The following MMP16 variants were observed in gnomAD, a reference collection of about 807,000 sequenced individuals.
MMP16 encodes matrix metallopeptidase 16, also known as matrix metalloproteinase-16.
In MMP16, 12 loss-of-function variants were observed where a neutral mutation model predicts 67.8. The ratio of observed to expected loss-of-function variants is 0.18; its 90% CI spans 0.11 to 0.29. The LOEUF (loss-of-function observed/expected upper bound fraction) is 0.29, where lower values mean the gene tolerates loss of function less well. MMP16 is among the 10% of genes least tolerant of loss of function. MMP16 has a pLI of 1.00. For missense variants in MMP16, 475 were observed against 765.7 expected, an observed-to-expected ratio of 0.62 and a Z score of 4.48; for synonymous variants, 249 against 255.9, an observed-to-expected ratio of 0.97 and a Z score of 0.26.
chr8:88,106,051 G>GTATATATATATATATATATA (rs34758855), intron 6 of MMP16, among the ~76,000 whole-genome samples: 2 of 145,412 alleles, frequency 1.4e-5, no homozygotes, highest in African/African-American at 5.0e-5. Context: ...TACACGTTAT[G>GTATATATATATATATATATA]TATATATATA....
intron 1 of MMP16, among the ~76,000 whole-genome samples, chr8:88,262,606 C>T (rs1286607520): frequency 6.6e-6 from 1 of 152,108 alleles, no homozygotes; most frequent in Non-Finnish European, 1.5e-5. Context: ...TTGGCTGTCT[C>T]TTTTCTAGAT....
At chr8:88,286,578 CA>C (rs1195250703) in intron 1 of MMP16, among the ~76,000 whole-genome samples, 1 of 97,758 alleles carries the variant, frequency 1.0e-5, no homozygotes, top group East Asian at 5.6e-4. Context: ...ACCTGGAACT[CA>C]ATTTTTTTTT....
chr8:88,287,000 C>T (rs1419012354), intron 1 of MMP16, among the ~76,000 whole-genome samples: 1 of 152,196 alleles, frequency 6.6e-6, no homozygotes, highest in Admixed American at 6.5e-5. Context: ...TAGCCATCTA[C>T]ATCTGGTTTA....
At chr8:88,248,004 G>C (rs1810146901) in intron 1 of MMP16, among the ~76,000 whole-genome samples, 1 of 152,004 alleles carries the variant, frequency 6.6e-6, no homozygotes, top group Non-Finnish European at 1.5e-5. Flanking sequence ...GGGCACCAAG[G>C]TGTGGATATT....
chr8:88,175,827 T>C (rs927423589), intron 3 of MMP16, among the ~76,000 whole-genome samples: 1 of 152,154 alleles, frequency 6.6e-6, no homozygotes, highest in Non-Finnish European at 1.5e-5. Context: ...TGTGCTGTTC[T>C]TGTGATAGTG....
At chr8:88,078,936 C>T (rs571460270) in intron 6 of MMP16, among the ~76,000 whole-genome samples, 5 of 152,250 alleles carry the variant, frequency 3.3e-5, no homozygotes, top group Admixed American at 2.6e-4. Flanking sequence ...CTCTTTATTT[C>T]TCACCATCAC....
At chr8:88,287,956 A>C (rs1810860060) in intron 1 of MMP16, among the ~76,000 whole-genome samples, 1 of 152,230 alleles carries the variant, frequency 6.6e-6, no homozygotes, top group African/African-American at 2.4e-5. Context: ...GGTCAGTCAA[A>C]CTTCAGAGTC....
intron 1 of MMP16, among the ~76,000 whole-genome samples, chr8:88,236,601 A>C (rs533110730): frequency 1.3e-5 from 2 of 152,094 alleles, no homozygotes; most frequent in Admixed American, 1.3e-4. Flanking sequence ...ACAAAAAATT[A>C]GTGGGGTGTG....
In MMP16 at chr8:88,201,455, A is replaced by T. The variant is rs182629019; in HGVS notation, c.133-4149T>A. ...AGTACAGTACTCATATGAATAGAAA[A>T]GTGCAAAGGTGATAAATTTATTTTA... On this transcript the variant is annotated intron_variant, in intron 1 of 9. Coordinates refer to ENST00000286614, the MANE Select transcript of MMP16 (RefSeq NM_005941.5). Among the ~76,000 whole-genome samples the T allele has an allele frequency of 1.2e-3, 179 of 152,208 alleles. 1 individual carries two copies. Among genetic ancestry groups the T allele is most frequent in the African/African-American group, 3.8e-3 (157 of 41,560 alleles).
intron 1 of MMP16, among the ~76,000 whole-genome samples, chr8:88,318,723 C>A (rs1811412873): frequency 6.6e-6 from 1 of 152,126 alleles, no homozygotes; most frequent in Non-Finnish European, 1.5e-5. Context: ...TACCAACTCA[C>A]AAGATTATGA....
intron 1 of MMP16, among the ~76,000 whole-genome samples, chr8:88,228,899 G>A (rs1449713691): frequency 6.6e-6 from 1 of 151,910 alleles, no homozygotes; most frequent in Non-Finnish European, 1.5e-5. Flanking sequence ...GATGGTTCAT[G>A]CCTGTAACCT....
At chr8:88,233,579 T>C (rs1222773202) in intron 1 of MMP16, among the ~76,000 whole-genome samples, 50 of 152,214 alleles carry the variant, frequency 3.3e-4, no homozygotes, top group Admixed American at 3.2e-3. Context: ...TACAAAGTCA[T>C]TTTGTTTTAA....
intron 1 of MMP16, among the ~76,000 whole-genome samples, chr8:88,275,830 T>TA (rs1301127053): frequency 6.6e-6 from 1 of 151,938 alleles, no homozygotes; most frequent in Admixed American, 6.6e-5. Flanking sequence ...TTGTGAACAC[T>TA]AAAAAAACAC....
rs28907635 is a variant in MMP16, at chr8:88,118,696, C to G, written c.871+4G>C. ...TTAAGCAAATTGAAACAGTAGTAAC[C>G]TACCATATATCTTCTGGATGCCCTG... On this transcript the variant is annotated splice_donor_region_variant and intron_variant, in intron 5 of 9. Coordinates refer to ENST00000286614, the MANE Select transcript of MMP16 (RefSeq NM_005941.5). The G allele has an allele frequency of 1.9e-6, 3 of 1,611,864 alleles. No homozygotes were observed. Among genetic ancestry groups the G allele is most frequent in the African/African-American group, 1.3e-5 (1 of 74,882 alleles).
chr8:88,147,291 T>A (rs1015243720), intron 4 of MMP16, among the ~76,000 whole-genome samples: 4 of 152,068 alleles, frequency 2.6e-5, no homozygotes, highest in Admixed American at 6.5e-5. Flanking sequence ...AAAAATTAAT[T>A]CCTTAACGCT....
At chr8:88,285,646 T>C (rs932066701) in intron 1 of MMP16, among the ~76,000 whole-genome samples, 1 of 152,132 alleles carries the variant, frequency 6.6e-6, no homozygotes, top group Admixed American at 6.6e-5. Flanking sequence ...CTTTTGATGA[T>C]CTTGTCTCTA....
intron 3 of MMP16, among the ~76,000 whole-genome samples, chr8:88,183,167 T>C (rs147161042): frequency 0.014 from 2,060 of 152,308 alleles, 27 homozygotes; most frequent in Non-Finnish European, 0.016. Context: ...TCAAAATCTA[T>C]AGAACCGTAC....
chr8:88,168,679 GTTTA>G (rs1296211562), intron 3 of MMP16, among the ~76,000 whole-genome samples: 1 of 151,934 alleles, frequency 6.6e-6, no homozygotes, highest in Non-Finnish European at 1.5e-5. Flanking sequence ...TAAATCAGAT[GTTTA>G]TTTTTTTCTC....
chr8:88,178,904 G>A (rs2129732391), intron 3 of MMP16, among the ~76,000 whole-genome samples: 1 of 152,110 alleles, frequency 6.6e-6, no homozygotes, highest in East Asian at 1.9e-4. Context: ...ATCTCACAGA[G>A]TGTAATATTA....
Sources: allele counts gnomAD v4.1 joint callset (sites outside exome capture counted in the v4.1 genomes callset), GRCh38; gene constraint gnomAD v4.1.1; transcripts MANE v1.5; gene names NCBI Gene and HGNC (gene_info 2026-07-23, HGNC 2026-07-21).